Variants in KIAA1217 observed in about 807,000 individuals in gnomAD.
The protein encoded by KIAA1217 is KIAA1217, also known as sickle tail protein homolog.
A neutral mutation model predicts 163.9 loss-of-function variants in KIAA1217; 88 were observed. The observed-to-expected ratio is 0.54, with a 90% CI of 0.45 to 0.64. The LOEUF (loss-of-function observed/expected upper bound fraction) is 0.64, where lower values mean the gene tolerates loss of function less well. Among genes scored for constraint, KIAA1217 ranks in the 30% least tolerant of loss-of-function variants. The pLI is 0.00. For synonymous variants in KIAA1217, 903 were observed against 923.1 expected (o/e 0.98, Z 0.39); for missense variants, 2,372 against 2,475.0 (o/e 0.96, Z 0.88).
chr10:23,804,861 A>G (rs1379667755), intron 1 of KIAA1217, among the ~76,000 whole-genome samples: 1 of 152,190 alleles, frequency 6.6e-6, no homozygotes, highest in Non-Finnish European at 1.5e-5. Context: ...ATATGCACTC[A>G]ATACTGGTCC....
rs371606594 is a variant in KIAA1217 at position 24,264,813 on chromosome 10, T to TTCTCTCTC, written c.354+44911_354+44918dup. On this transcript the variant is annotated intron_variant, in intron 2 of 20. Coordinates refer to ENST00000376454, the MANE Select transcript of KIAA1217 (RefSeq NM_019590.5). The stretch of plus-strand genomic sequence containing the variant: ...TCTCTCTCTCTCTCTCATTCTCTCT[T>TTCTCTCTC]TCTCTCTCTCTCTCCCTTTCTCCCT... Among the ~76,000 whole-genome samples, 598 of 130,962 alleles carry TTCTCTCTC rather than the reference T, an allele frequency of 4.6e-3. 10 individuals are homozygous for TTCTCTCTC. Among genetic ancestry groups the TTCTCTCTC allele is most frequent in the African/African-American group, 0.017 (579 of 34,970 alleles). 85.9% of individuals were successfully genotyped at this position (130,962 alleles called of 152,430 possible).
Position 24,430,342 on chromosome 10 carries a change from G to C in KIAA1217, c.554-2653G>C, listed in dbSNP as rs568264094. ...GGACTCTTCCATCTTCTGTGGATGT[G>C]ATGGGTGGCTACCTGGCTGGGTGGG... is the stretch of plus-strand genomic sequence containing the variant. On this transcript the variant is annotated intron_variant, in intron 3 of 20. Coordinates refer to ENST00000376454, the MANE Select transcript of KIAA1217 (RefSeq NM_019590.5). Among the ~76,000 whole-genome samples, 8 of 152,290 alleles carry C rather than the reference G, an allele frequency of 5.3e-5. No individual in the cohort carries two copies. In the East Asian group the frequency reaches 1.5e-3, roughly 29 times the overall value.
chr10:24,160,088 T>G (rs749898337), intron 2 of KIAA1217, among the ~76,000 whole-genome samples: 11 of 152,232 alleles, frequency 7.2e-5, no homozygotes, highest in Non-Finnish European at 1.2e-4. Context: ...CTTTTCTCTG[T>G]TAATTCCATG....
chr10:24,226,935 A>G (rs2070644373), intron 2 of KIAA1217, among the ~76,000 whole-genome samples: 1 of 152,004 alleles, frequency 6.6e-6, no homozygotes, highest in Non-Finnish European at 1.5e-5. Context: ...AGTCTCAGAA[A>G]CCATTCTGAA....
intron 2 of KIAA1217, among the ~76,000 whole-genome samples, chr10:24,013,034 C>T (rs1847306743): frequency 6.6e-6 from 1 of 152,156 alleles, no homozygotes; most frequent in Non-Finnish European, 1.5e-5. Context: ...TGCAGATAAG[C>T]ACAGAGTGAC....
chr10:24,225,892 C>T (rs1452198727), intron 2 of KIAA1217, among the ~76,000 whole-genome samples: 1 of 152,164 alleles, frequency 6.6e-6, no homozygotes, highest in Non-Finnish European at 1.5e-5. Context: ...TAAAGGAATA[C>T]ACAACCTAGA....
chr10:24,439,082 G>A (rs986342031), intron 5 of KIAA1217, among the ~76,000 whole-genome samples: 1 of 152,132 alleles, frequency 6.6e-6, no homozygotes, highest in Non-Finnish European at 1.5e-5. Context: ...TGTCTCAGGA[G>A]ATTATCCAAA....
In KIAA1217 at chr10:24,473,478, C is replaced by T. The variant is rs759638096; in HGVS notation, c.1097C>T (p.Ala366Val). 1 of 1,614,130 alleles carries T rather than the reference C, an allele frequency of 6.2e-7. No homozygotes were observed. Among genetic ancestry groups the T allele is most frequent in the Admixed American group, 1.7e-5 (1 of 60,026 alleles). ...VSRPISPSPS[A>V]ILERRDVKPD... ...AGACCCATCTCTCCAAGCCCAAGCG[C>T]CATTTTAGAAAGAAGAGATGTCAAG... The change falls in exon 6 of 21, where the codon GCC becomes GTC. Residue 366 changes from alanine to valine, a missense_variant. By Grantham distance (64) the Ala-to-Val change is moderately conservative. Around this residue, in one of 3 missense-constraint regions of KIAA1217, gnomAD observed 1,431 missense variants for 1,470.3 expected, o/e 0.97. Transcript: ENST00000376454.
At chr10:24,467,802 A>ATG (rs1391744122) in intron 5 of KIAA1217, among the ~76,000 whole-genome samples, 82 of 136,738 alleles carry the variant, frequency 6.0e-4, no homozygotes, top group Middle Eastern at 3.6e-3. Flanking sequence ...GTGTATGTGT[A>ATG]TGTGTGTGTG....
intron 2 of KIAA1217, among the ~76,000 whole-genome samples, chr10:24,343,363 A>G (rs1591148549): frequency 6.6e-6 from 1 of 150,832 alleles, no homozygotes; most frequent in Non-Finnish European, 1.5e-5. Flanking sequence ...CATTTTTATA[A>G]TCATTGACGT....
At chr10:23,897,606 T>G (rs1841761622) in intron 1 of KIAA1217, among the ~76,000 whole-genome samples, 1 of 152,158 alleles carries the variant, frequency 6.6e-6, no homozygotes, top group African/African-American at 2.4e-5. Flanking sequence ...CTGTATTGAA[T>G]GTGCTCTTAT....
intron 2 of KIAA1217, among the ~76,000 whole-genome samples, chr10:24,232,935 CAAAAAAAAAA>C (rs908492411): frequency 2.7e-4 from 15 of 56,320 alleles, no homozygotes; most frequent in Non-Finnish European, 3.3e-4. Flanking sequence ...CTTATCTCTA[CAAAAAAAAAA>C]AAAAAAAAAA....
intron 2 of KIAA1217, among the ~76,000 whole-genome samples, chr10:24,294,314 C>T (rs1203847787): frequency 6.6e-6 from 1 of 150,726 alleles, no homozygotes; most frequent in Non-Finnish European, 1.5e-5. Context: ...ACATTTCACT[C>T]TTTTCCCCTA....
intron 2 of KIAA1217, among the ~76,000 whole-genome samples, chr10:24,160,958 A>G (rs1363341513): frequency 1.3e-5 from 2 of 152,172 alleles, no homozygotes; most frequent in Admixed American, 6.5e-5. Context: ...AAGTCTATAA[A>G]TTCTTATTTG....
chr10:23,854,259 A>G (rs1401148223), intron 1 of KIAA1217, among the ~76,000 whole-genome samples: 2 of 152,108 alleles, frequency 1.3e-5, no homozygotes, highest in Non-Finnish European at 2.9e-5. Flanking sequence ...GTCTGCCTTC[A>G]TATCATTATG....
At chr10:24,252,537 G>A (rs764188329) in intron 2 of KIAA1217, among the ~76,000 whole-genome samples, 4 of 152,236 alleles carry the variant, frequency 2.6e-5, no homozygotes, top group South Asian at 2.1e-4. Context: ...CTCTGATTGC[G>A]CCACTGTGCC....
At chr10:23,851,950 C>T (rs1421573984) in intron 1 of KIAA1217, among the ~76,000 whole-genome samples, 3 of 151,414 alleles carry the variant, frequency 2.0e-5, no homozygotes, top group Non-Finnish European at 4.4e-5. Flanking sequence ...AAATTTTCTC[C>T]CATTTTGTGG....
intron 2 of KIAA1217, among the ~76,000 whole-genome samples, chr10:24,071,298 G>A (rs893218156): frequency 1.3e-5 from 2 of 152,110 alleles, no homozygotes; most frequent in Non-Finnish European, 2.9e-5. Context: ...AAAAAATATG[G>A]TTTGAAAAGT....
chr10:24,028,063 T>C (rs1848039047), intron 2 of KIAA1217, among the ~76,000 whole-genome samples: 1 of 152,114 alleles, frequency 6.6e-6, no homozygotes, highest in East Asian at 1.9e-4. Flanking sequence ...ATCATAAACA[T>C]ATATTTGCTA....
Sources: allele counts gnomAD v4.1 joint callset (sites outside exome capture counted in the v4.1 genomes callset), GRCh38; gene constraint gnomAD v4.1.1; regional missense constraint gnomAD v4.1.1; transcripts MANE v1.5; gene names NCBI Gene and HGNC (gene_info 2026-07-23, HGNC 2026-07-21).